Variants in VWA8 observed in about 807,000 individuals in gnomAD.
The protein encoded by VWA8 is von Willebrand factor A domain containing 8.
In VWA8, 221 loss-of-function variants were observed where a neutral mutation model predicts 241.5. The ratio of observed to expected loss-of-function variants is 0.91; its 90% confidence interval spans 0.82 to 1.02. The LOEUF (loss-of-function observed/expected upper bound fraction) is 1.02. Among genes scored for constraint, VWA8 ranks in the 50% least tolerant of loss-of-function variants. The pLI is 0.00. For missense variants in VWA8, 2,322 were observed against 2,328.7 expected (o/e 1.00, Z 0.06); for synonymous variants, 852 against 827.1 (o/e 1.03, Z -0.52).
intron 28 of VWA8, 75 bp downstream of exon 28, chr13:41,701,317 T>A (rs116482229): frequency 1.4e-6 from 2 of 1,463,922 alleles, no homozygotes; most frequent in African/African-American, 2.9e-5. Flanking sequence ...CTTTTTGATG[T>A]CTAGAGATTA....
At chr13:41,895,834 T>TC (rs1555349127) in intron 4 of VWA8, among the ~76,000 whole-genome samples, 7 of 150,410 alleles carry the variant, frequency 4.7e-5, no homozygotes, top group South Asian at 4.2e-4. Context: ...AAATTTTCTT[T>TC]TTTTTTTTTT....
At chr13:41,768,802 A>T (rs1057385624) in intron 20 of VWA8, among the ~76,000 whole-genome samples, 2 of 152,180 alleles carry the variant, frequency 1.3e-5, no homozygotes, top group African/African-American at 4.8e-5. Context: ...AGGAGGGTAC[A>T]TCTTTCCTCT....
At chr13:41,940,311 A>T (rs533836588) in intron 2 of VWA8, among the ~76,000 whole-genome samples, 2 of 152,208 alleles carry the variant, frequency 1.3e-5, no homozygotes, top group African/African-American at 4.8e-5. Flanking sequence ...AAAAAGCAAT[A>T]ATCTTTTTAG....
intron 37 of VWA8, among the ~76,000 whole-genome samples, chr13:41,625,451 C>A (rs919197616): frequency 1.3e-5 from 2 of 152,176 alleles, no homozygotes; most frequent in Non-Finnish European, 2.9e-5. Context: ...CAGAAGAAGA[C>A]ATTTATGCAG....
At chr13:41,895,422 G>C (rs990247800) in intron 4 of VWA8, among the ~76,000 whole-genome samples, 9 of 152,148 alleles carry the variant, frequency 5.9e-5, no homozygotes, top group Non-Finnish European at 7.4e-5. Context: ...ACTAGGCATA[G>C]GAATTTGCTG....
intron 1 of VWA8, among the ~76,000 whole-genome samples, 166 bp from the exon 2 acceptor site, chr13:41,950,179 TA>T (rs1174930055): frequency 2.0e-5 from 3 of 152,172 alleles, no homozygotes; most frequent in African/African-American, 7.2e-5. Flanking sequence ...CCAAAGTATA[TA>T]TGTATAAAGG....
intron 9 of VWA8, 36 bp downstream of exon 9, chr13:41,883,351 G>T: frequency 6.5e-7 from 1 of 1,541,728 alleles, no homozygotes; most frequent in South Asian, 1.1e-5. Flanking sequence ...AGGGAAAATG[G>T]GAAAAGAAAG....
intron 2 of VWA8, among the ~76,000 whole-genome samples, chr13:41,913,029 A>T (rs80199396): frequency 0.077 from 11,743 of 152,248 alleles, 661 homozygotes; most frequent in Non-Finnish European, 0.12. Context: ...CAGAACAATG[A>T]ATAAATACAC....
intron 26 of VWA8, among the ~76,000 whole-genome samples, chr13:41,708,099 T>C (rs1390837510): frequency 6.6e-6 from 1 of 152,164 alleles, no homozygotes; most frequent in Non-Finnish European, 1.5e-5. Flanking sequence ...GGCTCACGTC[T>C]GTAATCCCAG....
chr13:41,778,833 T>G, intron 19 of VWA8, among the ~76,000 whole-genome samples: 1 of 25,198 alleles, frequency 4.0e-5, no homozygotes, highest in African/African-American at 7.9e-5. Context: ...AGTACGTCAC[T>G]TTTTTTTTTT....
rs184437789 is a variant in VWA8, at chr13:41,861,125, C to T, written c.1425+4611G>A. Among the ~76,000 whole-genome samples the T allele has an allele frequency of 1.8e-3, 267 of 152,008 alleles. 2 individuals carry two copies. Among genetic ancestry groups the T allele is most frequent in the African/African-American group, 5.9e-3 (245 of 41,496 alleles). ...ACTCAGGAGGCTGAGGCAGGAGAATCGCGTGAACCTGGGAGGCGGAGGTTG... is the reference window on the plus strand; with the variant it reads ...ACTCAGGAGGCTGAGGCAGGAGAATTGCGTGAACCTGGGAGGCGGAGGTTG... On this transcript the variant is annotated intron_variant, in intron 12 of 44. Transcript: ENST00000379310.
At chr13:41,691,975 T>C (rs374934665) in intron 30 of VWA8, 37 bp from the exon 31 acceptor site, 6 of 1,408,814 alleles carry the variant, frequency 4.3e-6, no homozygotes, top group Middle Eastern at 1.8e-4. Flanking sequence ...ATATTAAATG[T>C]GTCAGATACA....
In VWA8 at chr13:41,804,968, A is replaced by T. The variant is rs567564301; in HGVS notation, c.2063+6257T>A. On this transcript the variant is annotated intron_variant, in intron 17 of 44. Coordinates refer to ENST00000379310, the MANE Select transcript of VWA8 (RefSeq NM_015058.2). Reference sequence around the variant, plus strand: ...CACACCACCTGAGAAAATCACTTTCACTAAAGGAAGACAGAAAGTAAGGCA... The same window carrying T: ...CACACCACCTGAGAAAATCACTTTCTCTAAAGGAAGACAGAAAGTAAGGCA... 3.7e-4 allele frequency among the ~76,000 whole-genome samples: 57 copies of T among 152,350 alleles called. 1 individual carries two copies. In the South Asian group the frequency reaches 0.012, roughly 32 times the overall value.
At position 41,887,193 on chromosome 13, in the gene VWA8, T is replaced by A; in HGVS notation, c.816+4A>T. Reference sequence around the variant, plus strand: ...ACAAATAAATTATCCTTGGTCTTACTTACCTTGAAGGGTAAATAATAAATA... The same window carrying A: ...ACAAATAAATTATCCTTGGTCTTACATACCTTGAAGGGTAAATAATAAATA... On this transcript the variant is annotated splice_donor_region_variant and intron_variant, in intron 6 of 44. Coordinates refer to ENST00000379310, the MANE Select transcript of VWA8 (RefSeq NM_015058.2). 6.2e-7 allele frequency: 1 copy of A among 1,607,148 alleles called. No homozygotes were observed. The highest frequency in any genetic ancestry group is 1.7e-4 in the Middle Eastern group (1 of 6,032).
intron 35 of VWA8, among the ~76,000 whole-genome samples, chr13:41,678,565 A>G (rs1278446754): frequency 6.6e-6 from 1 of 152,242 alleles, no homozygotes. Context: ...ACTTACTCAT[A>G]TTTTGGCTTG....
At chr13:41,839,618 T>C (rs2138013414) in intron 12 of VWA8, among the ~76,000 whole-genome samples, 1 of 152,310 alleles carries the variant, frequency 6.6e-6, no homozygotes. Flanking sequence ...TTTTAGTTTC[T>C]AGTTTTCCTA....
At chr13:41,935,937 C>T (rs1011411383) in intron 2 of VWA8, among the ~76,000 whole-genome samples, 1 of 152,028 alleles carries the variant, frequency 6.6e-6, no homozygotes, top group South Asian at 2.1e-4. Flanking sequence ...TCAACGGCTC[C>T]TCCACTGATA....
intron 12 of VWA8, among the ~76,000 whole-genome samples, chr13:41,835,309 C>A (rs560285927): frequency 5.9e-5 from 9 of 152,298 alleles, no homozygotes; most frequent in African/African-American, 2.2e-4. Context: ...CATTTTGAAT[C>A]ATAAAGACCT....
intron 37 of VWA8, among the ~76,000 whole-genome samples, chr13:41,668,049 A>G (rs940946290): frequency 2.0e-5 from 3 of 152,268 alleles, no homozygotes; most frequent in African/African-American, 4.8e-5. Flanking sequence ...GGCAAAGCTA[A>G]TAACTCCAGA....
Sources: gnomAD v4.1 joint callset for allele counts (sites outside exome capture counted in the v4.1 genomes callset) on GRCh38, gnomAD v4.1.1 for gene constraint, MANE v1.5 for transcripts, NCBI Gene and HGNC (gene_info 2026-07-23, HGNC 2026-07-21) for gene names.